INSL6: variants seen among roughly 807,000 people sequenced by gnomAD.
INSL6 encodes the protein insulin like 6, also known as insulin-like peptide INSL6.
Under a neutral mutation model 9.4 loss-of-function variants are expected in INSL6, and 16 were observed. The ratio of observed to expected loss-of-function variants is 1.70; its 90% CI spans 1.15 to 2.59. The LOEUF is 2.59. Ranked by LOEUF, INSL6 falls within the 30% of genes most tolerant of loss-of-function variation. The pLI, the probability that INSL6 is intolerant of heterozygous loss-of-function variation, is 0.00. For synonymous variants in INSL6, 154 were observed against 96.9 expected (o/e 1.59, Z -3.46); for missense variants, 391 against 257.3 (o/e 1.52, Z -3.56).
At chr9:5,030,544 A>T in the INSL6 span, among the ~76,000 whole-genome samples, 1 of 152,142 alleles carries the variant, frequency 6.6e-6, no homozygotes, top group Non-Finnish European at 1.5e-5. Context: ...TTAAAGATAA[A>T]GAATTTGGAG....
At chr9:5,010,077 A>G in the INSL6 span, among the ~76,000 whole-genome samples, 1 of 152,108 alleles carries the variant, frequency 6.6e-6, no homozygotes, top group Non-Finnish European at 1.5e-5. Flanking sequence ...TAGCCTATGT[A>G]TGTTTTAAAT....
At chr9:5,028,383 G>C in the INSL6 span, among the ~76,000 whole-genome samples, 2 of 152,148 alleles carry the variant, frequency 1.3e-5, no homozygotes, top group Non-Finnish European at 2.9e-5. Flanking sequence ...TATCTTCTAG[G>C]CTTTGTTGTC....
the INSL6 span, among the ~76,000 whole-genome samples, chr9:5,020,387 G>A: frequency 6.6e-6 from 1 of 152,178 alleles, no homozygotes; most frequent in Non-Finnish European, 1.5e-5. Flanking sequence ...GCTGGGCAGG[G>A]TGAGAGTATC....
chr9:5,176,734 TG>T (rs1825317945), intron 1 of INSL6, among the ~76,000 whole-genome samples: 1 of 138,590 alleles, frequency 7.2e-6, no homozygotes, highest in East Asian at 2.1e-4. Context: ...AAAAAAAAAA[TG>T]GTATAAGTTT....
At chr9:5,166,200 G>T (rs113039999) in intron 1 of INSL6, among the ~76,000 whole-genome samples, 12 of 152,262 alleles carry the variant, frequency 7.9e-5, no homozygotes, top group Non-Finnish European at 1.5e-4. Flanking sequence ...GAAGGCAGAA[G>T]ATTTTTGTTT....
the INSL6 span, chr9:5,072,697 T>C: frequency 1.8e-6 from 2 of 1,128,708 alleles, no homozygotes; most frequent in Admixed American, 2.9e-5. Context: ...GCATACAACG[T>C]ACTCATGTGT....
intron 2 of INSL6, among the ~76,000 whole-genome samples, chr9:5,154,000 A>G (rs1381339434): frequency 3.3e-5 from 5 of 152,222 alleles, no homozygotes; most frequent in Non-Finnish European, 5.9e-5. Context: ...ACCAAAAAAG[A>G]GCCTGCATAG....
the INSL6 span, chr9:5,041,596 A>G: frequency 6.0e-6 from 3 of 497,550 alleles, no homozygotes; most frequent in Non-Finnish European, 1.2e-5. Context: ...CTGGACTTTG[A>G]GAAGCCCGAC....
At chr9:5,123,356 A>G (rs1436309696), downstream of INSL6, among the ~76,000 whole-genome samples, 1 of 151,862 alleles carries the variant, frequency 6.6e-6, no homozygotes, top group African/African-American at 2.4e-5. Flanking sequence ...TCCACATTCT[A>G]CGTTCATGTG....
At chr9:5,035,536 T>A in the INSL6 span, among the ~76,000 whole-genome samples, 8 of 152,154 alleles carry the variant, frequency 5.3e-5, no homozygotes, top group African/African-American at 1.9e-4. Flanking sequence ...TTATCCACCA[T>A]GATCAAGTGG....
intron 1 of INSL6, among the ~76,000 whole-genome samples, chr9:5,170,845 T>C (rs923926508): frequency 3.9e-4 from 60 of 152,118 alleles, no homozygotes; most frequent in African/African-American, 1.4e-3. Flanking sequence ...GAGGCAGTAA[T>C]AAATAGTCTA....
At chr9:5,119,864 T>C (rs965154317), downstream of INSL6, among the ~76,000 whole-genome samples, 190 of 152,310 alleles carry the variant, frequency 1.2e-3, no homozygotes, top group African/African-American at 4.4e-3. Flanking sequence ...ATTTTTATAT[T>C]TGCAAGTAGA....
the INSL6 span, among the ~76,000 whole-genome samples, chr9:5,084,134 C>A: frequency 3.3e-5 from 5 of 152,028 alleles, no homozygotes; most frequent in African/African-American, 9.7e-5. Context: ...TGAAGAGACT[C>A]TAAGGAAGGC....
chr9:5,152,105 T>C (rs1307576348), intron 2 of INSL6, among the ~76,000 whole-genome samples: 1 of 152,072 alleles, frequency 6.6e-6, no homozygotes, highest in Non-Finnish European at 1.5e-5. Context: ...AAAATATAAA[T>C]GACCTGAGAA....
chr9:5,147,827 G>A (rs534259365), intron 2 of INSL6, among the ~76,000 whole-genome samples: 1 of 152,258 alleles, frequency 6.6e-6, no homozygotes, highest in East Asian at 1.9e-4. Flanking sequence ...GGGTTGGTGT[G>A]TTCTTCCATT....
chr9:5,145,779 A>G (rs1346272774), intron 2 of INSL6, among the ~76,000 whole-genome samples: 1 of 152,098 alleles, frequency 6.6e-6, no homozygotes, highest in Non-Finnish European at 1.5e-5. Flanking sequence ...AAATTATTGT[A>G]GTGTAGTTTT....
the INSL6 span, among the ~76,000 whole-genome samples, chr9:4,998,003 T>C: frequency 6.6e-6 from 1 of 152,210 alleles, no homozygotes; most frequent in African/African-American, 2.4e-5. Flanking sequence ...TCTTCTAGCA[T>C]GGCAGTATTT....
intron 2 of INSL6, among the ~76,000 whole-genome samples, chr9:5,154,770 A>G (rs1196128823): frequency 6.6e-6 from 1 of 152,232 alleles, no homozygotes; most frequent in Non-Finnish European, 1.5e-5. Context: ...CAAAACCACA[A>G]TGAGATACCA....
At chr9:5,086,086 C>T in the INSL6 span, 13 of 638,388 alleles carry the variant, frequency 2.0e-5, no homozygotes, top group Non-Finnish European at 3.2e-5. Context: ...AAGTCAAGTC[C>T]CTTCTGCCTA....
Sources: allele counts gnomAD v4.1 joint callset (sites outside exome capture counted in the v4.1 genomes callset), GRCh38; gene constraint gnomAD v4.1.1; transcripts MANE v1.5; gene names NCBI Gene and HGNC (gene_info 2026-07-23, HGNC 2026-07-21).